The following GALNT12 variants were observed in gnomAD, a reference collection of about 807,000 sequenced individuals.
GALNT12 encodes the protein UDP-GalNAc:polypeptide N-acetylgalactosaminyltransferase 12.
GALNT12 carries 45 observed loss-of-function variants against 55.5 expected under a neutral mutation model. The ratio of observed to expected loss-of-function variants is 0.81; its 90% CI spans 0.64 to 1.04. The LOEUF (loss-of-function observed/expected upper bound fraction) is 1.04. GALNT12 is among the 50% of genes least tolerant of loss of function. The pLI is 0.00. For missense variants in GALNT12, 709 were observed against 754.8 expected (o/e 0.94, Z 0.71); for synonymous variants, 304 against 312.2 (o/e 0.97, Z 0.28).
Position 98,807,947 on chromosome 9 carries a change from G to C in GALNT12, c.249G>C (p.Arg83=), listed in dbSNP as rs1404226575. 1 of 1,394,692 alleles carries C rather than the reference G, an allele frequency of 7.2e-7. No individual in the cohort carries two copies. Among genetic ancestry groups the C allele is most frequent in the Non-Finnish European group, 9.4e-7 (1 of 1,064,622 alleles). 86.4% of individuals were successfully genotyped at this position (1,394,692 alleles called of 1,614,324 possible). Residue 83 remains arginine (R), a synonymous_variant, in exon 1 of 10, where the codon CGG becomes CGC. Transcript: ENST00000375011. ...TGGGCGCGCGGGGCGAGGCGGTGCGGCTGCAGCTGCAGGGCGAGGAGCTGC... is the reference window on the plus strand; with the variant it reads ...TGGGCGCGCGGGGCGAGGCGGTGCGCCTGCAGCTGCAGGGCGAGGAGCTGC... ...NALGARGEAV[R]LQLQGEELRL...
rs140401882 is a variant in GALNT12, at chr9:98,819,296, A to G, written c.372-3960A>G. Among the ~76,000 whole-genome samples the G allele has an allele frequency of 3.2e-3, 492 of 152,330 alleles. 3 individuals carry two copies. Among genetic ancestry groups the G allele is most frequent in the Non-Finnish European group, 5.1e-3 (350 of 68,026 alleles). On this transcript the variant is annotated intron_variant, in intron 1 of 9. Transcript: ENST00000375011. Reference sequence around the variant, plus strand: ...TGGACCAGGCTCCCTTCTCTGGAGCACAAAGCCTTCCACGGGGTCAGTGCT... The same window carrying G: ...TGGACCAGGCTCCCTTCTCTGGAGCGCAAAGCCTTCCACGGGGTCAGTGCT...
intron 4 of GALNT12, 41 bp downstream of exon 4, chr9:98,831,998 C>G (rs767266934): frequency 4.5e-6 from 7 of 1,559,126 alleles, no homozygotes; most frequent in Non-Finnish European, 6.2e-6. Context: ...TTTAAGCATG[C>G]CTCATTGAAT....
rs1273454140 is a variant in GALNT12 at position 98,837,022 on chromosome 9, C to T, written c.1086C>T (p.Gly362=). Residue 362 remains glycine, a synonymous_variant, in exon 6 of 10, where the codon GGC becomes GGT. Coordinates refer to ENST00000375011, the MANE Select transcript of GALNT12 (RefSeq NM_024642.5). ...VLETHPCSHV[G]HVFPKQAPYS... ...AAACACACCCATGTTCCCATGTTGG[C>T]CATGTTTTCCCCAAGCAAGCTCCCT... 6.8e-6 allele frequency: 11 copies of T among 1,614,036 alleles called. No individual in the cohort carries two copies. In the South Asian group the frequency reaches 1.2e-4, roughly 18 times the overall value.
chr9:98,835,130 C>A, intron 4 of GALNT12, 119 bp from the exon 5 acceptor site: 5 of 799,636 alleles, frequency 6.3e-6, no homozygotes, highest in Non-Finnish European at 1.1e-5. Flanking sequence ...GAGGTGAAGG[C>A]GGGATATGCT....
intron 7 of GALNT12, among the ~76,000 whole-genome samples, chr9:98,842,925 C>T (rs1362100973): frequency 6.6e-6 from 1 of 152,004 alleles, no homozygotes; most frequent in East Asian, 1.9e-4. Context: ...TTTTTTCATA[C>T]TAAGCCTTGA....
Position 98,826,954 on chromosome 9 carries a change from C to A in GALNT12, c.731+13C>A, listed in dbSNP as rs1399995609. 1.3e-6 allele frequency: 2 copies of A among 1,553,382 alleles called. No homozygotes were observed. Among genetic ancestry groups the A allele is most frequent in the Admixed American group, 3.9e-5 (2 of 51,184 alleles). On this transcript the variant is annotated intron_variant, in intron 3 of 9. Coordinates refer to ENST00000375011, the MANE Select transcript of GALNT12 (RefSeq NM_024642.5). Reference sequence around the variant, plus strand: ...CGCTGCTGCAGAGGTACGTGAGCCGCCCACCATGGGAGAGACAGCATGTTA... The same window carrying A: ...CGCTGCTGCAGAGGTACGTGAGCCGACCACCATGGGAGAGACAGCATGTTA...
intron 3 of GALNT12, among the ~76,000 whole-genome samples, chr9:98,827,285 G>A (rs1010002713): frequency 2.7e-5 from 4 of 150,876 alleles, no homozygotes; most frequent in African/African-American, 7.3e-5. Flanking sequence ...TCTGCCTCCC[G>A]GGATCAAGCG....
intron 1 of GALNT12, among the ~76,000 whole-genome samples, chr9:98,815,997 T>C (rs919538687): frequency 1.3e-4 from 20 of 152,202 alleles, no homozygotes; most frequent in African/African-American, 4.8e-4. Flanking sequence ...TAGTAAACAC[T>C]CAACAAAGGG....
At chr9:98,835,888 A>G (rs1051397653) in intron 5 of GALNT12, among the ~76,000 whole-genome samples, 2 of 152,168 alleles carry the variant, frequency 1.3e-5, no homozygotes, top group African/African-American at 4.8e-5. Context: ...GGCATGTGCC[A>G]TCATGCCCGG....
At chr9:98,834,004 T>G (rs1836067365) in intron 4 of GALNT12, among the ~76,000 whole-genome samples, 1 of 152,212 alleles carries the variant, frequency 6.6e-6, no homozygotes, top group African/African-American at 2.4e-5. Flanking sequence ...GAACCTTCCC[T>G]TCCACTGGGG....
intron 1 of GALNT12, among the ~76,000 whole-genome samples, chr9:98,816,533 A>G (rs1439533288): frequency 6.6e-6 from 1 of 152,186 alleles, no homozygotes; most frequent in African/African-American, 2.4e-5. Flanking sequence ...CTTATTGTCA[A>G]TTATTTCTCT....
intron 1 of GALNT12, among the ~76,000 whole-genome samples, chr9:98,822,028 A>C (rs759843620): frequency 6.6e-6 from 1 of 152,224 alleles, no homozygotes; most frequent in Non-Finnish European, 1.5e-5. Context: ...TAAAGGGCCC[A>C]GTAGCACATG....
rs1836367140 is a variant in GALNT12, at chr9:98,844,433, C to T, written c.1458+224C>T. ...GTGTTGTAAATAGTTGTCATAATGT[C>T]TGTATGTTTTATATTCCATTATTTC... On this transcript the variant is annotated intron_variant, in intron 8 of 9. Coordinates refer to ENST00000375011, the MANE Select transcript of GALNT12 (RefSeq NM_024642.5). The T allele has an allele frequency of 9.2e-6, 5 of 542,908 alleles. No individual in the cohort carries two copies. In the South Asian group the frequency reaches 1.1e-4, roughly 11 times the overall value. 33.6% of individuals were successfully genotyped at this position (542,908 alleles called of 1,614,324 possible). A position where few individuals can be genotyped will look rare whatever the true frequency, so the allele number is the denominator to read the frequency against.
Position 98,849,058 on chromosome 9 carries a change from A to G in GALNT12, c.1712A>G (p.His571Arg). 6.2e-7 allele frequency: 1 copy of G among 1,614,240 alleles called. No individual in the cohort carries two copies. ...TTACGAGACTGCACCAACTCGGATCATCAGAAATGGTTCTTCAAAGAGCGC... is the reference window on the plus strand; with the variant it reads ...TTACGAGACTGCACCAACTCGGATCGTCAGAAATGGTTCTTCAAAGAGCGC... ...PLLRDCTNSD[H>R]QKWFFKERML The change falls in exon 10 of 10, where the codon CAT becomes CGT. Residue 571 changes from histidine to arginine, a missense_variant. Around this residue, in one of 5 missense-constraint regions of GALNT12, gnomAD observed 262 missense variants for 310.7 expected, o/e 0.84. Transcript: ENST00000375011.
At position 98,835,231 on chromosome 9, in the gene GALNT12, G is replaced by A; in HGVS notation, c.918-18G>A. The A allele has an allele frequency of 6.6e-7, 1 of 1,520,106 alleles. No individual in the cohort carries two copies. The highest frequency in any genetic ancestry group is 2.3e-5 in the East Asian group (1 of 44,436). The allele number at this position is 1,520,106 out of a possible 1,614,324, so 94.2% of individuals were successfully genotyped here. On this transcript the variant is annotated intron_variant, in intron 4 of 9. Transcript: ENST00000375011. ...TTTCTGCTGTCTACAGTGAAATAAG[G>A]ATATCATACTTTTTTAGGTCTCCAA... is the stretch of plus-strand genomic sequence containing the variant.
chr9:98,840,054 G>T lies in GALNT12; in HGVS notation c.1265G>T (p.Cys422Phe), dbSNP rs755796376. The change falls in exon 7 of 10, where the codon TGT becomes TTT. Residue 422 changes from cysteine (C) to phenylalanine (F), a missense_variant. Transcript: ENST00000375011. ...AAGCAGCTCCGGGACAAGCTCCAGTGTAAAGACTTCAAGTGGTTCTTGGAG... is the reference window on the plus strand; with the variant it reads ...AAGCAGCTCCGGGACAAGCTCCAGTTTAAAGACTTCAAGTGGTTCTTGGAG... ...ERKQLRDKLQ[C>F]KDFKWFLETV... 2.8e-5 allele frequency: 46 copies of T among 1,614,092 alleles called. No individual in the cohort carries two copies. The South Asian group carries it at 4.8e-4, about 17-fold the overall frequency.
chr9:98,840,444 A>C (rs535201043), intron 7 of GALNT12, among the ~76,000 whole-genome samples: 9 of 152,334 alleles, frequency 5.9e-5, no homozygotes, highest in African/African-American at 2.2e-4. Context: ...TATTACTTCT[A>C]GTCTCAATGG....
intron 2 of GALNT12, among the ~76,000 whole-genome samples, chr9:98,824,693 G>A (rs1835821115): frequency 6.6e-6 from 1 of 152,128 alleles, no homozygotes; most frequent in Non-Finnish European, 1.5e-5. Flanking sequence ...GGTCTGAGAC[G>A]ATGATCCAGT....
chr9:98,812,389 G>A (rs1014183399), intron 1 of GALNT12, among the ~76,000 whole-genome samples: 1 of 152,048 alleles, frequency 6.6e-6, no homozygotes, highest in African/African-American at 2.4e-5. Context: ...TCAGGAGTTC[G>A]AGATTAGCCT....
Sources: gnomAD v4.1 joint callset for allele counts (sites outside exome capture counted in the v4.1 genomes callset) on GRCh38, gnomAD v4.1.1 for gene constraint, gnomAD v4.1.1 regional missense constraint, MANE v1.5 for transcripts, NCBI Gene and HGNC (gene_info 2026-07-23, HGNC 2026-07-21) for gene names.